Variants in ADD3 observed in about 807,000 individuals in gnomAD.
The protein encoded by ADD3 is gamma-adducin.
Under a neutral mutation model 80.2 loss-of-function variants are expected in ADD3, and 25 were observed. The observed-to-expected ratio is 0.31, with a 90% CI of 0.23 to 0.44. The LOEUF (loss-of-function observed/expected upper bound fraction) is 0.44. ADD3 is among the 20% of genes least tolerant of loss of function. The pLI is 1.00. For missense variants in ADD3, 829 were observed against 847.5 expected, an observed-to-expected ratio of 0.98 and a Z score of 0.27; for synonymous variants, 284 against 289.6, an observed-to-expected ratio of 0.98 and a Z score of 0.20.
At chr10:110,079,427 TGAGAGAGAG>T (rs1304998015) in intron 1 of ADD3, 5 of 122,580 alleles carry the variant, frequency 4.1e-5, no homozygotes, top group African/African-American at 1.3e-4. Context: ...AAAAAAATGA[TGAGAGAGAG>T]AGAGAGAGAG....
chr10:110,002,008 C>A (rs192009854), upstream of ADD3, among the ~76,000 whole-genome samples: 5 of 152,190 alleles, frequency 3.3e-5, no homozygotes, highest in East Asian at 9.7e-4. Context: ...ACTAGCGATT[C>A]TTGGCTGGGT....
intron 1 of ADD3, among the ~76,000 whole-genome samples, chr10:110,048,512 C>A (rs1391423409): frequency 6.6e-6 from 1 of 152,092 alleles, no homozygotes; most frequent in South Asian, 2.1e-4. Context: ...AAAATGCTGA[C>A]AATCATATGG....
chr10:110,037,604 CAAAAA>C (rs998064830), intron 1 of ADD3, among the ~76,000 whole-genome samples: 1 of 51,116 alleles, frequency 2.0e-5, no homozygotes, highest in Admixed American at 1.9e-4. Flanking sequence ...GACTCAGTCT[CAAAAA>C]AAAAAAAAAA....
At position 110,062,128 on chromosome 10, in the gene ADD3, C is replaced by T. The variant is rs143277986; in HGVS notation, c.-29-38497C>T. Among the ~76,000 whole-genome samples the T allele has an allele frequency of 2.1e-3, 272 of 130,568 alleles. 2 individuals are homozygous for T. Among genetic ancestry groups the T allele is most frequent in the African/African-American group, 7.5e-3 (265 of 35,426 alleles). 85.7% of individuals were successfully genotyped at this position (130,568 alleles called of 152,430 possible). On this transcript the variant is annotated intron_variant, in intron 1 of 14. Transcript: ENST00000356080. ...CTGTAATCCCAGCACTTTGGGAGGC[C>T]GAGGCAGGCGTATCACCTGAGGTCG...
intron 1 of ADD3, among the ~76,000 whole-genome samples, chr10:110,060,679 G>T (rs993622078): frequency 4.6e-5 from 7 of 152,122 alleles, no homozygotes; most frequent in African/African-American, 1.7e-4. Context: ...TTTGCACTCT[G>T]TCTGAGCCTA....
At position 110,098,690 on chromosome 10, in the gene ADD3, C is replaced by T. The variant is rs556093542; in HGVS notation, c.-29-1935C>T. Among the ~76,000 whole-genome samples, 6 of 151,480 alleles carry T rather than the reference C, an allele frequency of 4.0e-5. No homozygotes were observed. The South Asian group carries it at 6.3e-4, about 16-fold the overall frequency. Reference sequence around the variant, plus strand: ...TGTTGCCCAGGCTGCAGTGCAATGGCGTGATCTCAGCTCACTGCAACCTCC... The same window carrying T: ...TGTTGCCCAGGCTGCAGTGCAATGGTGTGATCTCAGCTCACTGCAACCTCC... On this transcript the variant is annotated intron_variant, in intron 1 of 14. Coordinates refer to ENST00000356080, the MANE Select transcript of ADD3 (RefSeq NM_016824.5).
intron 1 of ADD3, among the ~76,000 whole-genome samples, chr10:110,037,153 A>T (rs1490894652): frequency 6.6e-6 from 1 of 152,232 alleles, no homozygotes; most frequent in Admixed American, 6.5e-5. Context: ...ATGATAGGAA[A>T]TGGAACATTT....
At chr10:110,078,994 A>G (rs1741223109) in intron 1 of ADD3, among the ~76,000 whole-genome samples, 1 of 152,186 alleles carries the variant, frequency 6.6e-6, no homozygotes, top group African/African-American at 2.4e-5. Flanking sequence ...ACATAATATA[A>G]AGAAAATGGA....
intron 3 of ADD3, among the ~76,000 whole-genome samples, chr10:110,115,612 A>G (rs552315843): frequency 6.6e-6 from 1 of 152,312 alleles, no homozygotes; most frequent in East Asian, 1.9e-4. Flanking sequence ...TAAAGGAGAA[A>G]AGCATGTAGA....
chr10:110,080,994 TTCAA>T (rs750953880), intron 1 of ADD3, among the ~76,000 whole-genome samples: 95 of 152,322 alleles, frequency 6.2e-4, no homozygotes, highest in Non-Finnish European at 9.4e-4. Context: ...AGTTTCATAA[TTCAA>T]TCAAATGACA....
chr10:110,123,705 T>A, intron 9 of ADD3: 1 of 240,018 alleles, frequency 4.2e-6, no homozygotes, highest in Non-Finnish European at 8.2e-6. Context: ...GCACTGAGAT[T>A]TGCTTCCCCA....
At chr10:110,069,756 A>C (rs1415355301) in intron 1 of ADD3, among the ~76,000 whole-genome samples, 1 of 152,214 alleles carries the variant, frequency 6.6e-6, no homozygotes, top group Non-Finnish European at 1.5e-5. Flanking sequence ...CTTTCAAGAT[A>C]ATTGGTCTTA....
At chr10:110,079,576 G>A (rs1328891616) in intron 1 of ADD3, among the ~76,000 whole-genome samples, 2 of 148,612 alleles carry the variant, frequency 1.3e-5, no homozygotes, top group Non-Finnish European at 3.0e-5. Flanking sequence ...TTTTTTTTGA[G>A]ACAGAGTCTT....
chr10:110,042,461 G>A (rs944533883), intron 1 of ADD3, among the ~76,000 whole-genome samples: 3 of 152,072 alleles, frequency 2.0e-5, no homozygotes, highest in Admixed American at 6.6e-5. Context: ...GAGGTGTCTG[G>A]AAGTGTATGT....
intron 12 of ADD3, 67 bp from the exon 13 acceptor site, chr10:110,130,292 AGATG>A (rs758568393): frequency 5.4e-6 from 8 of 1,482,120 alleles, no homozygotes; most frequent in South Asian, 1.2e-5. Flanking sequence ...ATGTGTATAT[AGATG>A]GATGGATGGA....
At chr10:110,095,931 G>A (rs1195299042) in intron 1 of ADD3, among the ~76,000 whole-genome samples, 1 of 152,180 alleles carries the variant, frequency 6.6e-6, no homozygotes, top group East Asian at 1.9e-4. Context: ...GAATGGATTA[G>A]TGGTTGCTGC....
intron 1 of ADD3, among the ~76,000 whole-genome samples, chr10:110,049,716 T>G (rs1857281803): frequency 6.6e-6 from 1 of 151,902 alleles, no homozygotes. Flanking sequence ...TGAAACCCCG[T>G]CTCTACTAAA....
At chr10:110,110,317 G>A (rs1369658043) in intron 2 of ADD3, among the ~76,000 whole-genome samples, 1 of 152,116 alleles carries the variant, frequency 6.6e-6, no homozygotes, top group Non-Finnish European at 1.5e-5. Flanking sequence ...CCATGCATCT[G>A]TATATATGTA....
chr10:110,041,698 T>C lies in ADD3; in HGVS notation c.-30+33399T>C, dbSNP rs143759414. 7.2e-5 allele frequency among the ~76,000 whole-genome samples: 11 copies of C among 152,284 alleles called. No individual in the cohort carries two copies. The South Asian group carries it at 1.0e-3, about 14-fold the overall frequency. The stretch of plus-strand genomic sequence containing the variant: ...CAAGATTGTGAGAACTAAGCTGTTA[T>C]AACAGTAACCTTGGGCCTCCTCTGT... On this transcript the variant is annotated intron_variant, in intron 1 of 14. Coordinates refer to ENST00000356080, the MANE Select transcript of ADD3 (RefSeq NM_016824.5).
Sources: allele counts gnomAD v4.1 joint callset (sites outside exome capture counted in the v4.1 genomes callset), GRCh38; gene constraint gnomAD v4.1.1; transcripts MANE v1.5; gene names NCBI Gene and HGNC (gene_info 2026-07-23, HGNC 2026-07-21).